The following NRXN3 variants were observed in gnomAD, a reference collection of about 807,000 sequenced individuals.
NRXN3 encodes the protein neurexin III.
A neutral mutation model predicts 137.6 loss-of-function variants in NRXN3; 32 were observed. The ratio of observed to expected loss-of-function variants is 0.23; its 90% CI spans 0.18 to 0.31. NRXN3 has a LOEUF of 0.31. Ranked by LOEUF, NRXN3 falls within the 10% of genes least tolerant of loss-of-function variation. The probability of loss-of-function intolerance (pLI) is 1.00; values close to 1 mark genes in which losing one functional copy is unlikely to be tolerated. For synonymous variants in NRXN3, 798 were observed against 784.5 expected (o/e 1.02, Z -0.29); for missense variants, 1,574 against 2,062.5 (o/e 0.76, Z 4.59).
chr14:79,617,923 A>AAAAAAAC (rs1555565675), intron 16 of NRXN3, among the ~76,000 whole-genome samples: 1 of 149,758 alleles, frequency 6.7e-6, no homozygotes, highest in African/African-American at 2.5e-5. Context: ...GCAGCAAAAA[A>AAAAAAAC]AAAAAAAAAC....
chr14:79,462,713 T>G (rs2096363991), intron 15 of NRXN3, among the ~76,000 whole-genome samples: 1 of 151,746 alleles, frequency 6.6e-6, no homozygotes, highest in Non-Finnish European at 1.5e-5. Flanking sequence ...CCATTTTACC[T>G]GTAATTATTT....
intron 4 of NRXN3, among the ~76,000 whole-genome samples, chr14:78,369,928 G>T (rs2086554300): frequency 4.8e-5 from 1 of 20,672 alleles, no homozygotes; most frequent in Admixed American, 6.9e-4. Context: ...CATTAGCCTG[G>T]TTAAAAAAAA....
intron 15 of NRXN3, among the ~76,000 whole-genome samples, chr14:79,047,707 A>G (rs73316627): frequency 0.045 from 6,822 of 152,278 alleles, 548 homozygotes; most frequent in African/African-American, 0.16. Flanking sequence ...TAATCAAGAA[A>G]TTGTATATTA....
chr14:79,056,001 C>A (rs545486319), intron 15 of NRXN3, among the ~76,000 whole-genome samples: 1 of 152,072 alleles, frequency 6.6e-6, no homozygotes, highest in African/African-American at 2.4e-5. Context: ...TTAAAGAAGC[C>A]GAATTATATG....
At chr14:79,249,929 T>C (rs530082541) in intron 15 of NRXN3, among the ~76,000 whole-genome samples, 7 of 152,218 alleles carry the variant, frequency 4.6e-5, no homozygotes, top group South Asian at 4.1e-4. Flanking sequence ...TTTCATAAAG[T>C]ATATACCTGT....
chr14:78,704,688 C>T (rs1332647645), intron 6 of NRXN3, among the ~76,000 whole-genome samples: 2 of 152,102 alleles, frequency 1.3e-5, no homozygotes, highest in Admixed American at 1.3e-4. Flanking sequence ...GAGATAAGGG[C>T]TCAAGTTCTG....
intron 16 of NRXN3, among the ~76,000 whole-genome samples, chr14:79,650,576 A>G (rs2098471160): frequency 6.6e-6 from 1 of 152,154 alleles, no homozygotes; most frequent in South Asian, 2.1e-4. Flanking sequence ...AAGCCTTCTG[A>G]TTCAAATGCA....
At chr14:79,299,318 G>A (rs1409773196) in intron 15 of NRXN3, among the ~76,000 whole-genome samples, 1 of 151,952 alleles carries the variant, frequency 6.6e-6, no homozygotes, top group Non-Finnish European at 1.5e-5. Flanking sequence ...ACATACCTGA[G>A]TGTCACTGAT....
chr14:79,624,240 A>T (rs1033053996), intron 16 of NRXN3, among the ~76,000 whole-genome samples: 1 of 152,162 alleles, frequency 6.6e-6, no homozygotes, highest in Non-Finnish European at 1.5e-5. Flanking sequence ...GAAATACATG[A>T]CCTAAATTGT....
intron 16 of NRXN3, among the ~76,000 whole-genome samples, chr14:79,624,745 C>T (rs10142733): frequency 0.066 from 9,853 of 150,374 alleles, 1,110 homozygotes; most frequent in African/African-American, 0.23. Flanking sequence ...TTATTAGTGT[C>T]GACTTAGGAG....
At chr14:79,651,803 C>T (rs1029104588) in intron 16 of NRXN3, among the ~76,000 whole-genome samples, 3 of 152,140 alleles carry the variant, frequency 2.0e-5, no homozygotes, top group African/African-American at 7.2e-5. Flanking sequence ...TAGGCCAGAG[C>T]TAGAAGATCT....
intron 16 of NRXN3, among the ~76,000 whole-genome samples, chr14:79,630,722 G>T (rs973868764): frequency 6.6e-6 from 1 of 152,056 alleles, no homozygotes; most frequent in African/African-American, 2.4e-5. Context: ...TAAACCCCAG[G>T]CCATTTTGCG....
chr14:78,551,092 T>C (rs931821549), intron 4 of NRXN3, among the ~76,000 whole-genome samples: 6 of 152,172 alleles, frequency 3.9e-5, no homozygotes, highest in Non-Finnish European at 7.3e-5. Context: ...GTAAATAATA[T>C]ATGTGAGAAC....
At chr14:78,767,981 A>AT (rs1201032361) in intron 8 of NRXN3, among the ~76,000 whole-genome samples, 2 of 151,780 alleles carry the variant, frequency 1.3e-5, no homozygotes, top group Admixed American at 1.3e-4. Flanking sequence ...CACATATAAA[A>AT]TTTGTCCTTC....
rs79277559 is a variant in NRXN3, at chr14:78,518,607, G to A, written c.758-126513G>A. Among the ~76,000 whole-genome samples the A allele has an allele frequency of 1.5e-3, 230 of 152,222 alleles. 7 individuals are homozygous for A. The East Asian group carries it at 0.036, about 24-fold the overall frequency. On this transcript the variant is annotated intron_variant, in intron 4 of 20. Transcript: ENST00000335750. The stretch of plus-strand genomic sequence containing the variant: ...TAAGCTGTTCCTGGGTACAAAATGC[G>A]AGCTCTTACTTGGCATTTATCCTTG...
intron 19 of NRXN3, among the ~76,000 whole-genome samples, chr14:79,733,669 T>C (rs986013459): frequency 2.9e-4 from 28 of 97,332 alleles, no homozygotes; most frequent in Admixed American, 4.4e-4. Flanking sequence ...TGGTTTGCTG[T>C]TGTTGTTTTT....
chr14:79,021,303 T>C (rs2099589265), intron 15 of NRXN3, among the ~76,000 whole-genome samples: 1 of 152,192 alleles, frequency 6.6e-6, no homozygotes, highest in Non-Finnish European at 1.5e-5. Flanking sequence ...TCATGTCACC[T>C]AGCTACAGCA....
At chr14:79,256,183 TCTCTCTCTCA>T (rs2076559172) in intron 15 of NRXN3, among the ~76,000 whole-genome samples, 1 of 151,756 alleles carries the variant, frequency 6.6e-6, no homozygotes, top group Non-Finnish European at 1.5e-5. Flanking sequence ...TCTCTCTCTC[TCTCTCTCTCA>T]CACACACACA....
At chr14:79,437,390 CAT>C (rs1215420743) in intron 15 of NRXN3, among the ~76,000 whole-genome samples, 3 of 150,804 alleles carry the variant, frequency 2.0e-5, no homozygotes, top group South Asian at 2.1e-4. Context: ...TGAGGATTCA[CAT>C]GTTAATCCTG....
Sources: allele counts gnomAD v4.1 joint callset (sites outside exome capture counted in the v4.1 genomes callset), GRCh38; gene constraint gnomAD v4.1.1; transcripts MANE v1.5; gene names NCBI Gene and HGNC (gene_info 2026-07-23, HGNC 2026-07-21).